Variants in HIVEP2 observed in about 807,000 individuals in gnomAD.
HIVEP2 encodes HIVEP zinc finger 2.
HIVEP2 carries 14 observed loss-of-function variants against 180.7 expected under a neutral mutation model. That is an observed-to-expected ratio of 0.08 (90% CI 0.05 to 0.12). The LOEUF is 0.12. Ranked by LOEUF, HIVEP2 falls within the 10% of genes least tolerant of loss-of-function variation. HIVEP2 has a pLI of 1.00. For missense variants in HIVEP2, 2,579 were observed against 3,008.5 expected, an observed-to-expected ratio of 0.86 and a Z score of 3.34; for synonymous variants, 1,184 against 1,136.4, an observed-to-expected ratio of 1.04 and a Z score of -0.84.
At chr6:142,767,243 G>A (rs775745455) in intron 6 of HIVEP2, among the ~76,000 whole-genome samples, 20 of 152,180 alleles carry the variant, frequency 1.3e-4, no homozygotes, top group Non-Finnish European at 2.4e-4. Context: ...CTCAGTCTCT[G>A]AGGAGAGATA....
intron 3 of HIVEP2, among the ~76,000 whole-genome samples, chr6:142,782,377 C>T (rs1775880630): frequency 6.6e-6 from 1 of 152,108 alleles, no homozygotes; most frequent in South Asian, 2.1e-4. Flanking sequence ...CTTAGACACT[C>T]ATTGCCCAAC....
intron 2 of HIVEP2, among the ~76,000 whole-genome samples, chr6:142,816,967 A>G (rs1021614151): frequency 6.6e-6 from 1 of 152,040 alleles, no homozygotes; most frequent in African/African-American, 2.4e-5. Flanking sequence ...GTGTTGAAGA[A>G]TGACAGCTCC....
Position 142,753,923 on chromosome 6 carries a change from T to C in HIVEP2, c.6525A>G (p.Arg2175=), listed in dbSNP as rs768105616. The part of the protein sequence containing the change: ...EPIVLGPPNL[R]RGLPQVPYFS... ...AGTAAGGAACCTGAGGTAATCCTCT[T>C]CTTAAATTCTGCGCAGAGAAACAAA... Residue 2175 remains arginine, a synonymous_variant, in exon 10 of 10, where the codon AGA becomes AGG. Transcript: ENST00000367603. 3.2e-5 allele frequency: 51 copies of C among 1,569,290 alleles called. No homozygotes were observed. Among genetic ancestry groups the C allele is most frequent in the Non-Finnish European group, 4.4e-5 (51 of 1,149,240 alleles).
intron 1 of HIVEP2, among the ~76,000 whole-genome samples, chr6:142,936,646 AAATGGGGTATTTCATTAGT>A: frequency 6.6e-6 from 1 of 152,316 alleles, no homozygotes; most frequent in East Asian, 1.9e-4. Flanking sequence ...TATATAAAAT[AAATGGGGTATTTCATTAGT>A]GATTTAATAA....
At position 142,774,825 on chromosome 6, in the gene HIVEP2, G is replaced by T. The variant is rs1775654795; in HGVS notation, c.-87C>A. ...TCCAAAGCTGTGCTTCTTAAAGCTT[G>T]GTTGCTTCCATGTTCCAGGGTGTCT... is the stretch of plus-strand genomic sequence containing the variant. On this transcript the variant is annotated 5_prime_UTR_variant, in exon 5 of 10. Transcript: ENST00000367603. The surrounding 1 kb of genome is among the most constrained non-coding windows in gnomAD (Gnocchi z 5.1). 6.5e-7 allele frequency: 1 copy of T among 1,528,884 alleles called. No individual in the cohort carries two copies. The highest frequency in any genetic ancestry group is 8.8e-7 in the Non-Finnish European group (1 of 1,142,506). 94.7% of individuals were successfully genotyped at this position (1,528,884 alleles called of 1,614,324 possible).
intron 1 of HIVEP2, among the ~76,000 whole-genome samples, chr6:142,931,834 A>G (rs995022379): frequency 6.6e-6 from 1 of 152,192 alleles, no homozygotes; most frequent in African/African-American, 2.4e-5. Context: ...ACCATTATCT[A>G]TCGTTTTAAG....
intron 9 of HIVEP2, among the ~76,000 whole-genome samples, chr6:142,754,978 A>G (rs575814279): frequency 2.0e-5 from 3 of 152,298 alleles, no homozygotes; most frequent in South Asian, 2.1e-4. Flanking sequence ...GACTTCATTT[A>G]TTTTTCTATT....
intron 1 of HIVEP2, among the ~76,000 whole-genome samples, chr6:142,845,266 T>C (rs1004548079): frequency 6.6e-6 from 1 of 152,308 alleles, no homozygotes. Context: ...TTAGTAATCC[T>C]ATTAAGGCAC....
intron 1 of HIVEP2, among the ~76,000 whole-genome samples, chr6:142,854,947 C>T (rs1052746562): frequency 6.6e-6 from 1 of 152,174 alleles, no homozygotes; most frequent in African/African-American, 2.4e-5. Context: ...ACTCCATGAC[C>T]CGGGCAAGGA....
rs1405281705 is a variant in HIVEP2, at chr6:142,875,803, CTT to C, written c.-640-38758_-640-38757del. ...TAGGCAGGGGGACACTGATAGTTCT[CTT>C]TTGCCTATTTCAACTTTGATATGTC... On this transcript the variant is annotated intron_variant, in intron 1 of 9. Transcript: ENST00000367603. Among the ~76,000 whole-genome samples the C allele has an allele frequency of 3.3e-5, 5 of 152,284 alleles. No homozygotes were observed. The East Asian group carries it at 9.6e-4, about 29-fold the overall frequency.
At chr6:142,762,628 A>G (rs957842790) in intron 7 of HIVEP2, among the ~76,000 whole-genome samples, 11 of 152,300 alleles carry the variant, frequency 7.2e-5, no homozygotes, top group African/African-American at 2.4e-4. Context: ...TTAGCAATGT[A>G]CCAACAAATA....
Position 142,769,650 on chromosome 6 carries a change from T to G in HIVEP2, c.5089A>C (p.Lys1697Gln). ...TAAATTTCTGCAGTGATTTTTTGCT[T>G]GGACCTCAGAAGAGCCAGCGTGGTC... ...TKTTLALLRSKQKITAEIYTL... is the reference protein window; with the variant it reads ...TKTTLALLRSQQKITAEIYTL... The change falls in exon 5 of 10, where the codon AAG (lysine) becomes CAG (glutamine). Residue 1697 changes from lysine to glutamine, a missense_variant. By Grantham distance (53) the Lys-to-Gln change is moderately conservative. This residue lies in a region of HIVEP2 where 349 missense variants were observed against 367.2 expected (regional missense o/e 0.95). Transcript: ENST00000367603. 3 of 1,614,218 alleles carry G rather than the reference T, an allele frequency of 1.9e-6. No homozygotes were observed. The highest frequency in any genetic ancestry group is 2.5e-6 in the Non-Finnish European group (3 of 1,180,042).
intron 2 of HIVEP2, among the ~76,000 whole-genome samples, chr6:142,794,563 C>T (rs1342436922): frequency 6.6e-6 from 1 of 152,164 alleles, no homozygotes; most frequent in African/African-American, 2.4e-5. Flanking sequence ...TTTTGCTTCT[C>T]TAAGGAACTG....
chr6:142,818,741 GAAA>G (rs1776931019), intron 2 of HIVEP2, among the ~76,000 whole-genome samples: 1 of 76,424 alleles, frequency 1.3e-5, no homozygotes, highest in Non-Finnish European at 2.8e-5. Context: ...AGAAAAGAAA[GAAA>G]GAAAGAAAGA....
Position 142,772,704 on chromosome 6 carries a change from C to G in HIVEP2, c.2035G>C (p.Val679Leu), listed in dbSNP as rs1775582542. 6.2e-7 allele frequency: 1 copy of G among 1,614,202 alleles called. No homozygotes were observed. Among genetic ancestry groups the G allele is most frequent in the African/African-American group, 1.3e-5 (1 of 75,048 alleles). ...HGGEYFMDPV[V>L]PLQGVPSMFG... The stretch of plus-strand genomic sequence containing the variant: ...ATGCTTGGTACTCCCTGCAATGGCA[C>G]CACGGGATCCATGAAATATTCTCCA... The change falls in exon 5 of 10, where the codon GTG becomes CTG. Residue 679 changes from valine to leucine, a missense_variant. By Grantham distance (32) the Val-to-Leu change is conservative (BLOSUM62 1). This residue lies in a region of HIVEP2 where 524 missense variants were observed against 563.6 expected (regional missense o/e 0.93). Transcript: ENST00000367603. This position sits in a 1 kb window ranked among gnomAD's most constrained non-coding sequence, Gnocchi z 4.9.
chr6:142,859,552 G>C (rs1399177242), intron 1 of HIVEP2, among the ~76,000 whole-genome samples: 2 of 151,954 alleles, frequency 1.3e-5, no homozygotes, highest in Non-Finnish European at 2.9e-5. Flanking sequence ...CGATAAATGA[G>C]GCAGGACGCG....
At chr6:142,818,752 A>G (rs552993496) in intron 2 of HIVEP2, among the ~76,000 whole-genome samples, 2 of 145,266 alleles carry the variant, frequency 1.4e-5, no homozygotes, top group African/African-American at 5.3e-5. Flanking sequence ...AAAGAAAGAA[A>G]GAAAGAAAGA....
At chr6:142,782,437 G>A (rs1282952629) in intron 3 of HIVEP2, among the ~76,000 whole-genome samples, 1 of 152,032 alleles carries the variant, frequency 6.6e-6, no homozygotes, top group Non-Finnish European at 1.5e-5. Flanking sequence ...GGGGAAAAAG[G>A]AACTACCAAG....
chr6:142,910,004 G>T (rs1237059950), intron 1 of HIVEP2, among the ~76,000 whole-genome samples: 1 of 152,052 alleles, frequency 6.6e-6, no homozygotes, highest in Non-Finnish European at 1.5e-5. Context: ...GATTACATTT[G>T]CAGTCAACAT....
Sources: gnomAD v4.1 joint callset for allele counts (sites outside exome capture counted in the v4.1 genomes callset) on GRCh38, gnomAD v4.1.1 for gene constraint, gnomAD v4.1.1 regional missense constraint, Gnocchi (gnomAD v3.1) non-coding constraint, MANE v1.5 for transcripts, NCBI Gene and HGNC (gene_info 2026-07-23, HGNC 2026-07-21) for gene names.